The following ANO3 variants were observed in gnomAD, a reference collection of about 807,000 sequenced individuals.
ANO3 encodes the protein anoctamin 3.
In ANO3, 99 loss-of-function variants were observed where a neutral mutation model predicts 144.8. The observed-to-expected ratio is 0.68, with a 90% CI of 0.58 to 0.81. The LOEUF (loss-of-function observed/expected upper bound fraction) is 0.81, where lower values mean the gene tolerates loss of function less well. Ranked by LOEUF, ANO3 falls within the 30% of genes least tolerant of loss-of-function variation. The pLI is 0.00. For synonymous variants in ANO3, 414 were observed against 392.6 expected, an observed-to-expected ratio of 1.05 and a Z score of -0.64; for missense variants, 905 against 1,202.2, an observed-to-expected ratio of 0.75 and a Z score of 3.66.
chr11:26,211,300 T>C lies in ANO3; in HGVS notation c.154+21970T>C, dbSNP rs541854138. ...TTAAGGCAGAAATAAATAAGTTCTT[T>C]GAAAATAATGAGAACAAAGACACAT... is the stretch of plus-strand genomic sequence containing the variant. On this transcript the variant is annotated intron_variant, in intron 1 of 27. Transcript: ENST00000672621. Among the ~76,000 whole-genome samples, 5 of 152,210 alleles carry C rather than the reference T, an allele frequency of 3.3e-5. No homozygotes were observed. In the East Asian group the frequency reaches 9.7e-4, roughly 29 times the overall value.
At chr11:26,350,000 A>G (rs1855598598) in intron 1 of ANO3, among the ~76,000 whole-genome samples, 2 of 152,136 alleles carry the variant, frequency 1.3e-5, no homozygotes, top group Non-Finnish European at 1.5e-5. Context: ...CCTTCCCCTT[A>G]GAAATCATTA....
At chr11:26,406,291 T>C (rs1857275199) in intron 1 of ANO3, among the ~76,000 whole-genome samples, 1 of 151,782 alleles carries the variant, frequency 6.6e-6, no homozygotes, top group South Asian at 2.1e-4. Flanking sequence ...ATAATGGTGC[T>C]TTTCCCATTC....
At chr11:26,417,822 T>C (rs966612574) in intron 1 of ANO3, among the ~76,000 whole-genome samples, 15 of 151,930 alleles carry the variant, frequency 9.9e-5, no homozygotes, top group African/African-American at 3.6e-4. Flanking sequence ...TAATAATAGG[T>C]GGTAAATTAA....
At chr11:26,225,236 C>T (rs16915384) in intron 1 of ANO3, among the ~76,000 whole-genome samples, 1,729 of 152,072 alleles carry the variant, frequency 0.011, 28 homozygotes, top group African/African-American at 0.04. Context: ...AACAGGAATG[C>T]TTGAGGATTT....
intron 7 of ANO3, among the ~76,000 whole-genome samples, chr11:26,527,638 C>T (rs1407858449): frequency 2.0e-5 from 3 of 152,100 alleles, no homozygotes; most frequent in Non-Finnish European, 2.9e-5. Flanking sequence ...ATTTTCCTCA[C>T]ATGCTTAGTT....
chr11:26,260,857 G>C (rs907633601), intron 1 of ANO3, among the ~76,000 whole-genome samples: 2 of 152,102 alleles, frequency 1.3e-5, no homozygotes, highest in Non-Finnish European at 2.9e-5. Context: ...AAGGTTCTTG[G>C]TGGGGCCTTC....
chr11:26,443,249 G>T (rs947934972), intron 2 of ANO3, among the ~76,000 whole-genome samples: 18 of 152,118 alleles, frequency 1.2e-4, no homozygotes, highest in Non-Finnish European at 1.3e-4. Flanking sequence ...GTGGCAAACT[G>T]TTCAAGAAGA....
At chr11:26,550,545 A>C (rs1849906768) in intron 12 of ANO3, among the ~76,000 whole-genome samples, 1 of 151,992 alleles carries the variant, frequency 6.6e-6, no homozygotes, top group African/African-American at 2.4e-5. Context: ...GACTGGCTTA[A>C]TTCACTTAGC....
At chr11:26,306,215 C>G (rs1854380148), upstream of ANO3, among the ~76,000 whole-genome samples, 3 of 150,398 alleles carry the variant, frequency 2.0e-5, no homozygotes, top group South Asian at 6.3e-4. Flanking sequence ...ACCTCGTGAT[C>G]AGCCCGCCTC....
intron 9 of ANO3, among the ~76,000 whole-genome samples, chr11:26,535,878 C>T (rs1023076252): frequency 4.0e-5 from 6 of 151,796 alleles, no homozygotes; most frequent in Admixed American, 6.6e-5. Flanking sequence ...CCACTGTGCC[C>T]GGCTGATAGC....
intron 1 of ANO3, among the ~76,000 whole-genome samples, chr11:26,335,900 T>A (rs1855180410): frequency 6.6e-6 from 1 of 152,162 alleles, no homozygotes; most frequent in South Asian, 2.1e-4. Flanking sequence ...ACACAAATAG[T>A]TTTGAATTTT....
At position 26,278,587 on chromosome 11, in the gene ANO3, G is replaced by A. The variant is rs144551480; in HGVS notation, c.155-31058G>A. On this transcript the variant is annotated intron_variant, in intron 1 of 27. Coordinates refer to the ANO3 transcript ENST00000672621. ...ACCAATAGATGGCTCTCTAGAGATG[G>A]CACAAATCATGACCAATTTGAACCT... Among the ~76,000 whole-genome samples, 1,220 of 152,124 alleles carry A rather than the reference G, an allele frequency of 8.0e-3. 13 individuals are homozygous for A. The highest frequency in any genetic ancestry group is 0.025 in the African/African-American group (1,032 of 41,494).
chr11:26,284,681 A>C (rs935871115), intron 1 of ANO3, among the ~76,000 whole-genome samples: 1 of 152,080 alleles, frequency 6.6e-6, no homozygotes, highest in Non-Finnish European at 1.5e-5. Flanking sequence ...TGGCGGATCA[A>C]GAGGTCAGGA....
At chr11:26,522,885 C>T (rs1039336669) in intron 6 of ANO3, among the ~76,000 whole-genome samples, 2 of 151,990 alleles carry the variant, frequency 1.3e-5, no homozygotes, top group Non-Finnish European at 2.9e-5. Flanking sequence ...TTTAATATAG[C>T]CAAACAAATA....
At chr11:26,493,943 G>T (rs1197456218) in intron 4 of ANO3, among the ~76,000 whole-genome samples, 1 of 152,076 alleles carries the variant, frequency 6.6e-6, no homozygotes, top group Non-Finnish European at 1.5e-5. Context: ...CCTAGATTAG[G>T]TTTAATTTAA....
At chr11:26,650,322 T>G (rs956500508) in intron 24 of ANO3, among the ~76,000 whole-genome samples, 3 of 152,054 alleles carry the variant, frequency 2.0e-5, no homozygotes, top group Admixed American at 2.0e-4. Context: ...ACGAATGGAG[T>G]GAAGCCAGCA....
At chr11:26,456,115 A>G (rs1341902163) in intron 3 of ANO3, among the ~76,000 whole-genome samples, 1 of 152,132 alleles carries the variant, frequency 6.6e-6, no homozygotes, top group Non-Finnish European at 1.5e-5. Flanking sequence ...TAAAACCATA[A>G]AAACCCTAGA....
chr11:26,415,684 C>T (rs7123118), intron 1 of ANO3, among the ~76,000 whole-genome samples: 51,385 of 151,822 alleles, frequency 0.34, 10,514 homozygotes, highest in African/African-American at 0.58. Context: ...GTGTAGCACA[C>T]TGAAAGAAAA....
In ANO3 at chr11:26,380,006, G is replaced by T. The variant is rs535817366; in HGVS notation, c.46+47685G>T. Among the ~76,000 whole-genome samples the T allele has an allele frequency of 2.6e-5, 4 of 152,236 alleles. No individual in the cohort carries two copies. In the East Asian group the frequency reaches 7.7e-4, roughly 29 times the overall value. ...TCCCAATCCATGTAGTTTACTTAGG[G>T]GTTTTTAGTGTCTACAACTTCTGAG... On this transcript the variant is annotated intron_variant, in intron 1 of 26. Transcript: ENST00000256737.
Sources: gnomAD v4.1 joint callset for allele counts (sites outside exome capture counted in the v4.1 genomes callset) on GRCh38, gnomAD v4.1.1 for gene constraint, MANE v1.5 for transcripts, NCBI Gene and HGNC (gene_info 2026-07-23, HGNC 2026-07-21) for gene names.